Variants in HS3ST3A1 observed in about 807,000 individuals in gnomAD.
HS3ST3A1 encodes heparan sulfate-glucosamine 3-sulfotransferase 3A1, also known as heparan sulfate glucosamine 3-O-sulfotransferase 3A1.
Under a neutral mutation model 25.7 loss-of-function variants are expected in HS3ST3A1, and 19 were observed. The observed-to-expected ratio is 0.74, with a 90% CI of 0.52 to 1.08. The LOEUF is 1.08. HS3ST3A1 is among the 50% of genes least tolerant of loss of function. The pLI is 0.00. For synonymous variants in HS3ST3A1, 226 were observed against 278.6 expected, an observed-to-expected ratio of 0.81 and a Z score of 1.88; for missense variants, 459 against 594.3, an observed-to-expected ratio of 0.77 and a Z score of 2.37.
intron 1 of HS3ST3A1, among the ~76,000 whole-genome samples, chr17:13,586,053 T>TAA (rs1908257558): frequency 1.3e-5 from 2 of 151,788 alleles, no homozygotes; most frequent in Admixed American, 1.3e-4. Context: ...TTCACCATGT[T>TAA]GACCAGGATG....
At chr17:13,564,867 G>A (rs59567223) in intron 1 of HS3ST3A1, among the ~76,000 whole-genome samples, 3,927 of 151,906 alleles carry the variant, frequency 0.026, 156 homozygotes, top group African/African-American at 0.09. Context: ...GGGATTACAG[G>A]TGCATGCCAC....
chr17:13,566,717 T>C (rs976900698), intron 1 of HS3ST3A1, among the ~76,000 whole-genome samples: 2 of 151,878 alleles, frequency 1.3e-5, no homozygotes, highest in African/African-American at 4.8e-5. Flanking sequence ...AGCCACAACA[T>C]CCCCTTAAGC....
intron 1 of HS3ST3A1, among the ~76,000 whole-genome samples, chr17:13,517,639 T>C (rs974242103): frequency 6.6e-6 from 1 of 152,172 alleles, no homozygotes; most frequent in East Asian, 1.9e-4. Flanking sequence ...CAATTATATG[T>C]AAATTTATTT....
chr17:13,513,506 C>T (rs1905947483), intron 1 of HS3ST3A1, among the ~76,000 whole-genome samples: 1 of 152,150 alleles, frequency 6.6e-6, no homozygotes, highest in African/African-American at 2.4e-5. Context: ...ACTCAACCAC[C>T]GCTCCGATAT....
At chr17:13,574,601 C>A (rs1907902724) in intron 1 of HS3ST3A1, among the ~76,000 whole-genome samples, 1 of 151,954 alleles carries the variant, frequency 6.6e-6, no homozygotes, top group Admixed American at 6.5e-5. Context: ...GCCTGTAGTC[C>A]CAGCTACTCA....
At chr17:13,533,650 G>A (rs1166821715) in intron 1 of HS3ST3A1, among the ~76,000 whole-genome samples, 1 of 151,946 alleles carries the variant, frequency 6.6e-6, no homozygotes, top group Non-Finnish European at 1.5e-5. Context: ...TACTTTCATG[G>A]AAACAACTTC....
chr17:13,511,349 C>T (rs1905853568), intron 1 of HS3ST3A1, among the ~76,000 whole-genome samples: 1 of 151,934 alleles, frequency 6.6e-6, no homozygotes, highest in African/African-American at 2.4e-5. Context: ...TGTGTTGCAG[C>T]AGATAGACAC....
intron 1 of HS3ST3A1, among the ~76,000 whole-genome samples, chr17:13,555,060 A>G (rs1907335232): frequency 6.6e-6 from 1 of 152,080 alleles, no homozygotes; most frequent in Non-Finnish European, 1.5e-5. Context: ...ATTTTCACCA[A>G]TGGTGTCCCA....
At chr17:13,585,667 C>CT (rs1240601736) in intron 1 of HS3ST3A1, among the ~76,000 whole-genome samples, 42 of 151,992 alleles carry the variant, frequency 2.8e-4, no homozygotes, top group African/African-American at 9.6e-4. Flanking sequence ...AGGTCTGCTC[C>CT]TCTACATACG....
At chr17:13,573,725 C>G (rs1430705504) in intron 1 of HS3ST3A1, among the ~76,000 whole-genome samples, 2 of 152,136 alleles carry the variant, frequency 1.3e-5, no homozygotes, top group Non-Finnish European at 2.9e-5. Flanking sequence ...ACCCCTCCCC[C>G]AAATTCATAT....
chr17:13,588,478 T>C (rs1444840291), intron 1 of HS3ST3A1, among the ~76,000 whole-genome samples: 1 of 152,212 alleles, frequency 6.6e-6, no homozygotes, highest in Non-Finnish European at 1.5e-5. Context: ...TTTTCAAACA[T>C]GACTTCCATG....
chr17:13,571,676 T>A lies in HS3ST3A1; in HGVS notation c.599+28855A>T, dbSNP rs78110352. 4.5e-3 allele frequency among the ~76,000 whole-genome samples: 687 copies of A among 152,342 alleles called. 5 individuals carry two copies. The highest frequency in any genetic ancestry group is 6.9e-3 in the Non-Finnish European group (467 of 68,016). ...AACAAGTTTAGTAAAATGTAAAGAA[T>A]AGAATCTAGACAATGGGTAGATGAG... On this transcript the variant is annotated intron_variant, in intron 1 of 1. Transcript: ENST00000284110.
chr17:13,526,472 TTTTATATATATATATATATATATATATA>T (rs1213259507), intron 1 of HS3ST3A1, among the ~76,000 whole-genome samples: 4 of 58,344 alleles, frequency 6.9e-5, no homozygotes, highest in African/African-American at 2.5e-4. Context: ...CAACTTTAAT[TTTTATATATATATATATATATATATATA>T]TATATATATA....
chr17:13,512,321 A>AAAAACAAAAAAC (rs1905899726), intron 1 of HS3ST3A1, among the ~76,000 whole-genome samples: 1 of 144,676 alleles, frequency 6.9e-6, no homozygotes, highest in African/African-American at 2.6e-5. Flanking sequence ...AAAAAAAAAA[A>AAAAACAAAAAAC]AAAAAACTGC....
intron 1 of HS3ST3A1, among the ~76,000 whole-genome samples, chr17:13,584,068 C>G (rs1196034514): frequency 6.6e-6 from 1 of 152,094 alleles, no homozygotes; most frequent in Admixed American, 6.6e-5. Context: ...TCATAGTGAA[C>G]ACATAAAAAT....
intron 1 of HS3ST3A1, among the ~76,000 whole-genome samples, chr17:13,598,944 A>T (rs543184486): frequency 1.3e-5 from 2 of 152,348 alleles, no homozygotes; most frequent in East Asian, 1.9e-4. Flanking sequence ...GATGTTTCAG[A>T]CAGTCAGCTT....
chr17:13,574,741 TACAC>T (rs774926362), intron 1 of HS3ST3A1, among the ~76,000 whole-genome samples: 1 of 81,548 alleles, frequency 1.2e-5, no homozygotes, highest in African/African-American at 5.5e-5. Flanking sequence ...ACAAAACAAA[TACAC>T]ACACACACAC....
At chr17:13,584,463 A>AAGGG in intron 1 of HS3ST3A1, among the ~76,000 whole-genome samples, 1 of 133,032 alleles carries the variant, frequency 7.5e-6, no homozygotes, top group Non-Finnish European at 1.7e-5. Context: ...GGAAGGAAGG[A>AAGGG]AGGAAGGAAG....
intron 1 of HS3ST3A1, among the ~76,000 whole-genome samples, chr17:13,580,990 G>A (rs1053142100): frequency 6.6e-6 from 1 of 152,186 alleles, no homozygotes; most frequent in Non-Finnish European, 1.5e-5. Flanking sequence ...TTCCTGTGAG[G>A]CTGGGTGCAA....
Sources: allele counts gnomAD v4.1 joint callset (sites outside exome capture counted in the v4.1 genomes callset), GRCh38; gene constraint gnomAD v4.1.1; transcripts MANE v1.5; gene names NCBI Gene and HGNC (gene_info 2026-07-23, HGNC 2026-07-21).